The following C12orf42 variants were observed in gnomAD, a reference collection of about 807,000 sequenced individuals.
C12orf42 encodes uncharacterized protein C12orf42.
C12orf42 carries 25 observed loss-of-function variants against 21.6 expected under a neutral mutation model. The ratio of observed to expected loss-of-function variants is 1.16; its 90% CI spans 0.84 to 1.62. C12orf42 has a LOEUF of 1.62. Among genes scored for constraint, C12orf42 ranks in the 40% most tolerant of loss-of-function variants. The pLI, the probability that C12orf42 is intolerant of heterozygous loss-of-function variation, is 0.00. For missense variants in C12orf42, 483 were observed against 459.3 expected, an observed-to-expected ratio of 1.05 and a Z score of -0.47; for synonymous variants, 174 against 175.0, an observed-to-expected ratio of 0.99 and a Z score of 0.05.
At chr12:103,512,019 C>T in the C12orf42 span, among the ~76,000 whole-genome samples, 3 of 152,114 alleles carry the variant, frequency 2.0e-5, no homozygotes, top group South Asian at 6.2e-4. Context: ...AATAAGAAAG[C>T]TAATATTTGA....
chr12:103,157,529 A>G, the C12orf42 span, among the ~76,000 whole-genome samples: 1 of 152,170 alleles, frequency 6.6e-6, no homozygotes, highest in Non-Finnish European at 1.5e-5. Flanking sequence ...TGTTTTAGTC[A>G]TGAAGTCTTT....
At chr12:103,225,727 T>C in the C12orf42 span, among the ~76,000 whole-genome samples, 1 of 151,956 alleles carries the variant, frequency 6.6e-6, no homozygotes, top group Admixed American at 6.6e-5. Flanking sequence ...GCACCAGAGT[T>C]GGGGAGTTTT....
chr12:103,319,510 T>C (rs186547695), intron 4 of C12orf42, among the ~76,000 whole-genome samples: 240 of 152,372 alleles, frequency 1.6e-3, no homozygotes, highest in Middle Eastern at 6.8e-3. Context: ...AGTTTTTGCA[T>C]GCCCCTGTGA....
At chr12:103,440,630 T>G (rs1951170500) in intron 2 of C12orf42, among the ~76,000 whole-genome samples, 1 of 152,146 alleles carries the variant, frequency 6.6e-6, no homozygotes. Flanking sequence ...ATGAGATATG[T>G]GCTTTTAGAC....
the C12orf42 span, among the ~76,000 whole-genome samples, chr12:103,199,415 AT>A: frequency 2.0e-5 from 3 of 152,300 alleles, no homozygotes; most frequent in South Asian, 6.2e-4. Context: ...GTTGGCAATA[AT>A]TTTTTTGGAT....
chr12:103,495,064 G>A (rs1280774562), intron 1 of C12orf42, among the ~76,000 whole-genome samples: 2 of 152,070 alleles, frequency 1.3e-5, no homozygotes, highest in Admixed American at 6.5e-5. Context: ...GGACAGGGTG[G>A]GGGCGGCGGT....
At chr12:103,245,623 C>T (rs1360461688) in intron 10 of C12orf42, among the ~76,000 whole-genome samples, 1 of 152,050 alleles carries the variant, frequency 6.6e-6, no homozygotes, top group Non-Finnish European at 1.5e-5. Context: ...ACACTAGGAG[C>T]TGCCACGAAG....
At chr12:103,218,281 A>G in the C12orf42 span, among the ~76,000 whole-genome samples, 2 of 145,958 alleles carry the variant, frequency 1.4e-5, no homozygotes, top group African/African-American at 5.0e-5. Flanking sequence ...CTCCGCTTCA[A>G]AAAAAAAAAA....
the C12orf42 span, among the ~76,000 whole-genome samples, chr12:103,194,964 A>G: frequency 1.1e-4 from 16 of 152,120 alleles, no homozygotes; most frequent in Admixed American, 9.8e-4. Flanking sequence ...TCCAGCTTCA[A>G]GTAATCCCTA....
chr12:103,325,718 CCCTT>C (rs1181226170), intron 4 of C12orf42, among the ~76,000 whole-genome samples: 1 of 152,210 alleles, frequency 6.6e-6, no homozygotes, highest in Admixed American at 6.5e-5. Context: ...CAATTCTTCA[CCCTT>C]CCTTTGCACT....
intron 2 of C12orf42, among the ~76,000 whole-genome samples, chr12:103,417,094 T>C (rs1403324607): frequency 6.6e-6 from 1 of 152,230 alleles, no homozygotes; most frequent in Non-Finnish European, 1.5e-5. Flanking sequence ...ATTATTCTCT[T>C]CAATATTTAG....
At chr12:103,108,312 A>G in the C12orf42 span, among the ~76,000 whole-genome samples, 1 of 151,952 alleles carries the variant, frequency 6.6e-6, no homozygotes, top group Non-Finnish European at 1.5e-5. Flanking sequence ...AAATCACTTA[A>G]GGAGGCCAAT....
At chr12:103,199,859 G>T in the C12orf42 span, among the ~76,000 whole-genome samples, 1 of 152,064 alleles carries the variant, frequency 6.6e-6, no homozygotes, top group African/African-American at 2.4e-5. Flanking sequence ...TGGAGAAAAA[G>T]GAACCCTTTT....
At position 103,478,362 on chromosome 12, in the gene C12orf42, G is replaced by T; in HGVS notation, c.65C>A (p.Ala22Glu). 6.2e-7 allele frequency: 1 copy of T among 1,600,644 alleles called. No homozygotes were observed. Residue 22 changes from alanine to glutamate, a missense_variant, in exon 2 of 6, where the codon GCA becomes GAA. By Grantham distance (107) the Ala-to-Glu change is moderately radical. Transcript: ENST00000548883. ...CTTATGCATTACCTGCATCCTGTTT[G>T]CAAAAGGTCTGATGGTTAGCAAGAA... ...EEFLLTIRPF[A>E]NRMQKSPCYI...
the C12orf42 span, among the ~76,000 whole-genome samples, chr12:103,065,623 G>C: frequency 6.6e-6 from 1 of 152,246 alleles, no homozygotes; most frequent in Non-Finnish European, 1.5e-5. Context: ...ACTTATTAAT[G>C]AGACGTTTGT....
At chr12:103,519,042 CCCTCATGCTGT>C in the C12orf42 span, among the ~76,000 whole-genome samples, 1 of 152,060 alleles carries the variant, frequency 6.6e-6, no homozygotes, top group Non-Finnish European at 1.5e-5. Flanking sequence ...GGGGTGTTTT[CCCTCATGCTGT>C]TCTCATGATA....
chr12:103,222,317 G>A, the C12orf42 span, among the ~76,000 whole-genome samples: 1 of 151,734 alleles, frequency 6.6e-6, no homozygotes, highest in East Asian at 1.9e-4. Context: ...AGGAGTGGGG[G>A]GTTGCAAGGT....
the C12orf42 span, among the ~76,000 whole-genome samples, chr12:103,111,563 C>CATGTAAAGATGGCCCTTG: frequency 6.6e-6 from 1 of 152,136 alleles, no homozygotes; most frequent in African/African-American, 2.4e-5. Flanking sequence ...GTAATGGTGT[C>CATGTAAAGATGGCCCTTG]ATGTAAAGAT....
At chr12:103,069,678 G>C in the C12orf42 span, among the ~76,000 whole-genome samples, 1 of 152,138 alleles carries the variant, frequency 6.6e-6, no homozygotes, top group African/African-American at 2.4e-5. Flanking sequence ...TAAGTCAGGG[G>C]CTGTCTGTAT....
Sources: allele counts gnomAD v4.1 joint callset (sites outside exome capture counted in the v4.1 genomes callset), GRCh38; gene constraint gnomAD v4.1.1; transcripts MANE v1.5; gene names NCBI Gene and HGNC (gene_info 2026-07-23, HGNC 2026-07-21).